Variants in ESRRG observed in about 807,000 individuals in gnomAD.
ESRRG encodes the protein estrogen-related receptor gamma.
ESRRG carries 13 observed loss-of-function variants against 44.0 expected under a neutral mutation model. That is an observed-to-expected ratio of 0.30 (90% CI 0.19 to 0.47). The LOEUF (loss-of-function observed/expected upper bound fraction) is 0.47, where lower values mean the gene tolerates loss of function less well. Among genes scored for constraint, ESRRG ranks in the 20% least tolerant of loss-of-function variants. The pLI, the probability that ESRRG is intolerant of heterozygous loss-of-function variation, is 1.00. For missense variants in ESRRG, 395 were observed against 580.6 expected (o/e 0.68, Z 3.29); for synonymous variants, 215 against 214.6 (o/e 1.00, Z -0.02).
chr1:216,961,210 A>G (rs1379935775), intron 1 of ESRRG, among the ~76,000 whole-genome samples: 1 of 152,212 alleles, frequency 6.6e-6, no homozygotes, highest in Non-Finnish European at 1.5e-5. Context: ...ATAACTGATT[A>G]AACGTTAAAG....
chr1:217,051,204 C>CCG (rs1215170555), intron 1 of ESRRG, among the ~76,000 whole-genome samples: 1 of 33,590 alleles, frequency 3.0e-5, no homozygotes, highest in East Asian at 1.1e-3. Context: ...ATAATGGGGG[C>CCG]GGGGGGGGGG....
intron 6 of ESRRG, among the ~76,000 whole-genome samples, chr1:216,509,228 T>A (rs1251686303): frequency 6.6e-6 from 1 of 152,232 alleles, no homozygotes; most frequent in Non-Finnish European, 1.5e-5. Flanking sequence ...AAAATTGGGA[T>A]GAATTGTCCT....
At chr1:217,081,985 A>G (rs2091800282) in intron 1 of ESRRG, among the ~76,000 whole-genome samples, 1 of 152,190 alleles carries the variant, frequency 6.6e-6, no homozygotes, top group South Asian at 2.1e-4. Flanking sequence ...GTTTGTTTAG[A>G]CAAGCTGTGG....
chr1:216,556,424 T>C (rs1025406066), intron 5 of ESRRG, among the ~76,000 whole-genome samples: 1 of 152,196 alleles, frequency 6.6e-6, no homozygotes, highest in African/African-American at 2.4e-5. Context: ...TAACATATTT[T>C]AGGACATAGT....
In ESRRG at chr1:216,925,749, G is replaced by T. The variant is rs185539273; in HGVS notation, c.-14+13833C>A. ...AAGGATCGCCTGAGGTCAGGAGTTT[G>T]AGACCAGCCTGTCCAACATGGCAAA... On this transcript the variant is annotated intron_variant, in intron 2 of 7. Transcript: ENST00000359162. Among the ~76,000 whole-genome samples, 1,012 of 151,832 alleles carry T rather than the reference G, an allele frequency of 6.7e-3. 9 individuals are homozygous for T. Among genetic ancestry groups the T allele is most frequent in the African/African-American group, 0.022 (923 of 41,436 alleles).
intron 1 of ESRRG, among the ~76,000 whole-genome samples, chr1:217,024,342 A>T (rs1395214738): frequency 6.7e-6 from 1 of 148,778 alleles, no homozygotes; most frequent in Non-Finnish European, 1.5e-5. Flanking sequence ...TGAGCGACAG[A>T]GCAAGAGTCC....
chr1:216,806,016 C>T (rs1383779333), intron 2 of ESRRG, among the ~76,000 whole-genome samples: 1 of 152,112 alleles, frequency 6.6e-6, no homozygotes, highest in Non-Finnish European at 1.5e-5. Context: ...GACTTGGAAC[C>T]TGGATGCTAT....
At chr1:216,892,181 CATT>C (rs1452598717) in intron 2 of ESRRG, among the ~76,000 whole-genome samples, 2 of 152,002 alleles carry the variant, frequency 1.3e-5, no homozygotes, top group Non-Finnish European at 2.9e-5. Context: ...TAAAAGAAAA[CATT>C]ATTTAATGGA....
At chr1:217,114,249 T>C (rs779235997) in intron 1 of ESRRG, among the ~76,000 whole-genome samples, 3 of 151,588 alleles carry the variant, frequency 2.0e-5, no homozygotes, top group Admixed American at 6.6e-5. Flanking sequence ...GCCTTAGAGG[T>C]TTCAGGAAGC....
chr1:216,547,739 C>T (rs191988692), intron 5 of ESRRG, among the ~76,000 whole-genome samples: 92 of 152,124 alleles, frequency 6.0e-4, no homozygotes, highest in African/African-American at 1.7e-3. Flanking sequence ...ACACCAATAA[C>T]GCAGGTGTCT....
At chr1:216,618,644 G>A (rs2061748113) in intron 3 of ESRRG, among the ~76,000 whole-genome samples, 1 of 152,134 alleles carries the variant, frequency 6.6e-6, no homozygotes, top group Non-Finnish European at 1.5e-5. Flanking sequence ...TAGCATCTTA[G>A]TTGATTTTCA....
intron 1 of ESRRG, among the ~76,000 whole-genome samples, chr1:216,716,973 T>C (rs974465251): frequency 2.6e-5 from 4 of 151,936 alleles, no homozygotes; most frequent in African/African-American, 7.2e-5. Flanking sequence ...TTTTCTTTCA[T>C]TGTTTTGCCT....
At chr1:216,786,902 A>C (rs2094144834) in intron 2 of ESRRG, among the ~76,000 whole-genome samples, 1 of 152,304 alleles carries the variant, frequency 6.6e-6, no homozygotes, top group East Asian at 1.9e-4. Flanking sequence ...TAAGTGACAT[A>C]CATAACATTT....
intron 2 of ESRRG, among the ~76,000 whole-genome samples, chr1:216,755,588 T>C (rs933942053): frequency 1.3e-5 from 2 of 152,050 alleles, no homozygotes; most frequent in Non-Finnish European, 2.9e-5. Context: ...TTACCTCACA[T>C]GGTCCCCACA....
intron 3 of ESRRG, among the ~76,000 whole-genome samples, chr1:216,604,587 G>A (rs2059678170): frequency 6.6e-6 from 1 of 152,140 alleles, no homozygotes; most frequent in Non-Finnish European, 1.5e-5. Context: ...AGCTTAATAA[G>A]GGGCATATAG....
intron 2 of ESRRG, among the ~76,000 whole-genome samples, chr1:216,830,591 G>A (rs2095472211): frequency 6.6e-6 from 1 of 152,082 alleles, no homozygotes; most frequent in Non-Finnish European, 1.5e-5. Context: ...GGAAGCCTCA[G>A]AAACTGCAGG....
At chr1:216,629,158 T>A (rs2063686190) in intron 3 of ESRRG, among the ~76,000 whole-genome samples, 1 of 152,142 alleles carries the variant, frequency 6.6e-6, no homozygotes, top group Admixed American at 6.5e-5. Context: ...CACCTAGAAC[T>A]CTCCATCACC....
chr1:216,677,203 C>G lies in ESRRG; in HGVS notation c.345G>C (p.Lys115Asn), dbSNP rs755617893. 11 of 1,614,178 alleles carry G rather than the reference C, an allele frequency of 6.8e-6. No individual in the cohort carries two copies. The South Asian group carries it at 1.2e-4, about 18-fold the overall frequency. ...SSTIVEDPQT[K>N]CEYMLNSMPK... ...GCATCGAGTTGAGCATGTATTCACACTTGGTCTGGGGATCTTCAACAATGG... is the reference window on the plus strand; with the variant it reads ...GCATCGAGTTGAGCATGTATTCACAGTTGGTCTGGGGATCTTCAACAATGG... The change falls in exon 2 of 7, where the codon AAG (lysine) becomes AAC (asparagine). Residue 115 changes from lysine (K) to asparagine (N), a missense_variant. Physicochemically the swap from Lys to Asn is moderately conservative, Grantham distance 94. Coordinates refer to ENST00000408911, the MANE Select transcript of ESRRG (RefSeq NM_001438.4).
intron 3 of ESRRG, among the ~76,000 whole-genome samples, chr1:216,600,932 C>G (rs2059136490): frequency 6.6e-6 from 1 of 152,188 alleles, no homozygotes; most frequent in African/African-American, 2.4e-5. Context: ...CCCAATCTTT[C>G]CTGTCTGAAC....
Sources: gnomAD v4.1 joint callset for allele counts (sites outside exome capture counted in the v4.1 genomes callset) on GRCh38, gnomAD v4.1.1 for gene constraint, MANE v1.5 for transcripts, NCBI Gene and HGNC (gene_info 2026-07-23, HGNC 2026-07-21) for gene names.